CTNNA2: variants seen among roughly 807,000 people sequenced by gnomAD.
The protein encoded by CTNNA2 is catenin alpha-2.
Under a neutral mutation model 101.0 loss-of-function variants are expected in CTNNA2, and 42 were observed. The observed-to-expected ratio is 0.42, with a 90% CI of 0.32 to 0.54. The LOEUF is 0.54. Ranked by LOEUF, CTNNA2 falls within the 20% of genes least tolerant of loss-of-function variation. CTNNA2 has a pLI of 0.14. For missense variants in CTNNA2, 871 were observed against 1,223.1 expected (o/e 0.71, Z 4.29); for synonymous variants, 450 against 456.4 (o/e 0.99, Z 0.18).
intron 9 of CTNNA2, among the ~76,000 whole-genome samples, chr2:80,446,323 G>C (rs1683065469): frequency 1.3e-5 from 2 of 152,134 alleles, no homozygotes; most frequent in Admixed American, 1.3e-4. Flanking sequence ...CTATCCAGAT[G>C]AGTATGATGC....
At chr2:79,796,221 A>G (rs908361624) in intron 3 of CTNNA2, among the ~76,000 whole-genome samples, 23 of 152,314 alleles carry the variant, frequency 1.5e-4, no homozygotes, top group African/African-American at 5.1e-4. Context: ...TAGATATCCA[A>G]TCTTTTCTGG....
chr2:79,464,673 A>G (rs886293490), intron 4 of CTNNA2, among the ~76,000 whole-genome samples: 5 of 152,138 alleles, frequency 3.3e-5, no homozygotes, highest in African/African-American at 1.2e-4. Context: ...AATGATCGCC[A>G]TTCTAACTGG....
intron 2 of CTNNA2, among the ~76,000 whole-genome samples, chr2:79,706,566 T>TTAAGGAGAA (rs1685397807): frequency 6.6e-6 from 1 of 152,034 alleles, no homozygotes; most frequent in South Asian, 2.1e-4. Context: ...GCCATCATCT[T>TTAAGGAGAA]TAAGGAGAAA....
chr2:79,749,220 A>C (rs12990480), intron 3 of CTNNA2, among the ~76,000 whole-genome samples: 22,121 of 151,594 alleles, frequency 0.15, 1,901 homozygotes, highest in Non-Finnish European at 0.2. Context: ...TAGGTGGGCC[A>C]CTCCCAGATT....
chr2:79,791,039 A>G (rs1675229910), intron 3 of CTNNA2, among the ~76,000 whole-genome samples: 1 of 152,216 alleles, frequency 6.6e-6, no homozygotes, highest in Non-Finnish European at 1.5e-5. Flanking sequence ...GTATAAACCT[A>G]CTTGTATTCA....
At chr2:80,462,823 C>T (rs546793705) in intron 9 of CTNNA2, among the ~76,000 whole-genome samples, 1 of 152,106 alleles carries the variant, frequency 6.6e-6, no homozygotes, top group Admixed American at 6.5e-5. Context: ...TATTCGGTTT[C>T]TTTCTTGTCT....
intron 4 of CTNNA2, among the ~76,000 whole-genome samples, chr2:79,478,320 G>A (rs1358142243): frequency 1.3e-5 from 2 of 152,220 alleles, no homozygotes; most frequent in Admixed American, 6.5e-5. Flanking sequence ...GCAAATGGAA[G>A]TGATGAATAG....
chr2:79,384,886 A>T (rs1042923203), intron 4 of CTNNA2, among the ~76,000 whole-genome samples: 2 of 152,224 alleles, frequency 1.3e-5, no homozygotes, highest in African/African-American at 4.8e-5. Flanking sequence ...ATATCACATA[A>T]AAATCACATT....
chr2:79,417,756 G>A (rs1678498820), intron 4 of CTNNA2, among the ~76,000 whole-genome samples: 1 of 152,046 alleles, frequency 6.6e-6, no homozygotes, highest in Non-Finnish European at 1.5e-5. Context: ...GAATAAAGGT[G>A]CCTTGCGGTT....
intron 7 of CTNNA2, among the ~76,000 whole-genome samples, chr2:80,050,397 C>T (rs974562554): frequency 5.9e-5 from 9 of 152,250 alleles, no homozygotes; most frequent in Admixed American, 4.6e-4. Context: ...TCCAGCTGAC[C>T]GGTAAATCAC....
intron 2 of CTNNA2, among the ~76,000 whole-genome samples, chr2:79,301,953 TG>T (rs1420110696): frequency 6.6e-6 from 1 of 151,634 alleles, no homozygotes; most frequent in Non-Finnish European, 1.5e-5. Context: ...ATTAGCTGGG[TG>T]TGGTGGCGGG....
At position 80,134,617 on chromosome 2, in the gene CTNNA2, G is replaced by A. The variant is rs147961756; in HGVS notation, c.1056+224820G>A. 4.0e-3 allele frequency among the ~76,000 whole-genome samples: 608 copies of A among 152,226 alleles called. 4 individuals carry two copies. Among genetic ancestry groups the A allele is most frequent in the Middle Eastern group, 0.02 (6 of 294 alleles). On this transcript the variant is annotated intron_variant, in intron 7 of 18. Transcript: ENST00000402739. ...GGCACACTGATGACTGGGTGCCTGC[G>A]CCATGCCATTCATGAGGCCAGCTTT...
intron 9 of CTNNA2, among the ~76,000 whole-genome samples, chr2:80,448,562 G>A (rs989218984): frequency 1.3e-5 from 2 of 152,162 alleles, no homozygotes; most frequent in Non-Finnish European, 2.9e-5. Context: ...AGTCTGGGCT[G>A]GGGCCTGGGT....
rs1030066976 is a variant in CTNNA2 at position 80,604,701 on chromosome 2, G to A, written c.2295+522G>A. On this transcript the variant is annotated intron_variant, in intron 16 of 18. Coordinates refer to ENST00000402739, the MANE Select transcript of CTNNA2 (RefSeq NM_001282597.3). ...GGTTGCACATTTTAACTGCCTGACAGAATGAATAAAGGAGAGAAAAGAGCA... is the reference window on the plus strand; with the variant it reads ...GGTTGCACATTTTAACTGCCTGACAAAATGAATAAAGGAGAGAAAAGAGCA... 2.6e-5 allele frequency among the ~76,000 whole-genome samples: 4 copies of A among 151,964 alleles called. No homozygotes were observed. The South Asian group carries it at 6.2e-4, about 24-fold the overall frequency.
chr2:79,683,409 C>G (rs965218045), intron 2 of CTNNA2, among the ~76,000 whole-genome samples: 2 of 152,238 alleles, frequency 1.3e-5, no homozygotes, highest in Non-Finnish European at 1.5e-5. Context: ...CTGAAGAAGT[C>G]CGTCTTTGGA....
chr2:79,412,914 C>G (rs1312616202), intron 4 of CTNNA2, among the ~76,000 whole-genome samples: 1 of 152,060 alleles, frequency 6.6e-6, no homozygotes, highest in Non-Finnish European at 1.5e-5. Flanking sequence ...TAGGTGGTTA[C>G]TTTAGGTCAA....
chr2:80,523,213 A>G (rs1029279150), intron 9 of CTNNA2, among the ~76,000 whole-genome samples: 9 of 152,196 alleles, frequency 5.9e-5, no homozygotes, highest in Non-Finnish European at 4.4e-5. Flanking sequence ...GAACATGTCA[A>G]GCAGCCTCAG....
At chr2:80,583,340 C>A (rs547089355) in intron 14 of CTNNA2, among the ~76,000 whole-genome samples, 1 of 152,042 alleles carries the variant, frequency 6.6e-6, no homozygotes, top group Non-Finnish European at 1.5e-5. Flanking sequence ...GGCATAGAGC[C>A]CCCTATTTCA....
chr2:79,774,170 T>C (rs1272329053), intron 3 of CTNNA2, among the ~76,000 whole-genome samples: 1 of 152,178 alleles, frequency 6.6e-6, no homozygotes, highest in East Asian at 1.9e-4. Context: ...TTAATGTTTG[T>C]TTCTGCCCTG....
Sources: gnomAD v4.1 joint callset for allele counts (sites outside exome capture counted in the v4.1 genomes callset) on GRCh38, gnomAD v4.1.1 for gene constraint, MANE v1.5 for transcripts, NCBI Gene and HGNC (gene_info 2026-07-23, HGNC 2026-07-21) for gene names.